Variants in EVA1A observed in about 807,000 individuals in gnomAD.
EVA1A encodes eva-1 homolog A, regulator of programmed cell death, also known as protein eva-1 homolog A.
EVA1A carries 7 observed loss-of-function variants against 9.8 expected under a neutral mutation model. The ratio of observed to expected loss-of-function variants is 0.71; its 90% CI spans 0.41 to 1.34. The LOEUF is 1.34. Ranked by LOEUF, EVA1A falls within the 40% of genes most tolerant of loss-of-function variation. The probability of loss-of-function intolerance (pLI) is 0.01; values close to 1 mark genes in which losing one functional copy is unlikely to be tolerated. For missense variants in EVA1A, 206 were observed against 205.9 expected (o/e 1.00, Z 0.00); for synonymous variants, 90 against 85.6 (o/e 1.05, Z -0.28).
chr2:75,498,895 C>A (rs1674310090), intron 3 of EVA1A, among the ~76,000 whole-genome samples: 1 of 151,914 alleles, frequency 6.6e-6, no homozygotes, highest in Non-Finnish European at 1.5e-5. Context: ...ACATCAAAGG[C>A]CTCACCTTTA....
intron 3 of EVA1A, among the ~76,000 whole-genome samples, chr2:75,497,974 G>T (rs928322475): frequency 6.6e-6 from 1 of 152,004 alleles, no homozygotes; most frequent in African/African-American, 2.4e-5. Flanking sequence ...CCACTACTGG[G>T]TGTATATCTA....
At chr2:75,513,859 T>C (rs1674910026) in intron 3 of EVA1A, among the ~76,000 whole-genome samples, 1 of 152,180 alleles carries the variant, frequency 6.6e-6, no homozygotes, top group African/African-American at 2.4e-5. Flanking sequence ...TCCAGACTTC[T>C]TACTATGTGG....
chr2:75,562,909 T>G (rs1676954070), upstream of EVA1A, among the ~76,000 whole-genome samples: 1 of 152,174 alleles, frequency 6.6e-6, no homozygotes, highest in Admixed American at 6.5e-5. Flanking sequence ...AGTAAAGAAA[T>G]AAATAGATAG....
chr2:75,555,457 G>C (rs758142242), intron 1 of EVA1A, among the ~76,000 whole-genome samples: 1 of 151,908 alleles, frequency 6.6e-6, no homozygotes, highest in Non-Finnish European at 1.5e-5. Context: ...CTAGACTCTG[G>C]AGGGGCCACT....
intron 3 of EVA1A, among the ~76,000 whole-genome samples, chr2:75,513,335 T>C (rs1674883787): frequency 6.6e-6 from 1 of 152,212 alleles, no homozygotes; most frequent in Admixed American, 6.6e-5. Flanking sequence ...TTTTTAACTG[T>C]CATCCTCATG....
At chr2:75,560,224 G>T (rs990093538) in intron 1 of EVA1A, among the ~76,000 whole-genome samples, 1 of 152,176 alleles carries the variant, frequency 6.6e-6, no homozygotes, top group Non-Finnish European at 1.5e-5. Context: ...CGGCGAGTTG[G>T]CTGCCTCCGA....
intron 3 of EVA1A, among the ~76,000 whole-genome samples, chr2:75,493,924 G>A (rs1296570084): frequency 1.3e-5 from 2 of 152,198 alleles, no homozygotes; most frequent in Non-Finnish European, 2.9e-5. Flanking sequence ...GTGCTTAGGT[G>A]TCATTTGTTT....
chr2:75,531,888 G>A (rs1463045087), intron 1 of EVA1A, among the ~76,000 whole-genome samples: 1 of 152,086 alleles, frequency 6.6e-6, no homozygotes, highest in Non-Finnish European at 1.5e-5. Context: ...GGCTGAGCGC[G>A]GTGGCTCACG....
chr2:75,561,656 C>A (rs1676926879), upstream of EVA1A, among the ~76,000 whole-genome samples: 1 of 151,978 alleles, frequency 6.6e-6, no homozygotes, highest in African/African-American at 2.4e-5. Context: ...GCGGTGGTCT[C>A]TTAAGAGATG....
chr2:75,541,192 T>G (rs1053352590), intron 1 of EVA1A, among the ~76,000 whole-genome samples: 2 of 152,134 alleles, frequency 1.3e-5, no homozygotes, highest in African/African-American at 4.8e-5. Context: ...TTTAAAACTG[T>G]CAACAATCGG....
intron 1 of EVA1A, among the ~76,000 whole-genome samples, chr2:75,528,570 A>G (rs1369569429): frequency 6.6e-6 from 1 of 152,140 alleles, no homozygotes; most frequent in Admixed American, 6.5e-5. Context: ...ACATAACTCC[A>G]TTGGCCTGAG....
chr2:75,524,919 TAGAC>T (rs71757476), intron 1 of EVA1A, among the ~76,000 whole-genome samples: 2,947 of 152,292 alleles, frequency 0.019, 109 homozygotes, highest in African/African-American at 0.068. Context: ...GATTGATAGA[TAGAC>T]AGGTAGGTAG....
chr2:75,518,225 A>T lies in EVA1A; in HGVS notation c.-68-17T>A, dbSNP rs1572960655. On this transcript the variant is annotated splice_polypyrimidine_tract_variant and intron_variant, in intron 2 of 3. Coordinates refer to ENST00000393913, the MANE Select transcript of EVA1A (RefSeq NM_001135032.2). ...TCTTCTCTTCTGTTTGGGAACATAAAGTGAGTGATAAGAAACATTCTGCTG... is the reference window on the plus strand; with the variant it reads ...TCTTCTCTTCTGTTTGGGAACATAATGTGAGTGATAAGAAACATTCTGCTG... 6.4e-7 allele frequency: 1 copy of T among 1,557,212 alleles called. No homozygotes were observed. The highest frequency in any genetic ancestry group is 2.3e-5 in the East Asian group (1 of 43,852).
chr2:75,560,627 T>C (rs528997840), intron 1 of EVA1A, 53 bp downstream of exon 1: 2 of 40,810 alleles, frequency 4.9e-5, no homozygotes, highest in East Asian at 7.5e-4. Context: ...CGGAGCCCGC[T>C]GGGGATGCCG....
chr2:75,545,536 G>T (rs889030023), intron 1 of EVA1A, among the ~76,000 whole-genome samples: 16 of 152,306 alleles, frequency 1.1e-4, no homozygotes, highest in Middle Eastern at 3.4e-3. Flanking sequence ...ATTAGGGCCA[G>T]CGTAACTGAG....
In EVA1A at chr2:75,493,420, A is replaced by G; in HGVS notation, c.275T>C (p.Val92Ala). 1 of 1,614,164 alleles carries G rather than the reference A, an allele frequency of 6.2e-7. No individual in the cohort carries two copies. The highest frequency in any genetic ancestry group is 1.1e-5 in the South Asian group (1 of 91,086). The change falls in exon 4 of 4, where the codon GTG (valine) becomes GCG (alanine). Residue 92 changes from valine to alanine, a missense_variant. Coordinates refer to ENST00000393913, the MANE Select transcript of EVA1A (RefSeq NM_001135032.2). Reference sequence around the variant, plus strand: ...GTGTCTCCGCACGGAGAGATCGGACACGGTGTCCTCACTGCCATCCTCGCT... The same window carrying G: ...GTGTCTCCGCACGGAGAGATCGGACGCGGTGTCCTCACTGCCATCCTCGCT... ...SDSEDGSEDT[V>A]SDLSVRRHRR...
intron 1 of EVA1A, among the ~76,000 whole-genome samples, chr2:75,525,379 C>T (rs1176342530): frequency 2.6e-5 from 4 of 152,144 alleles, no homozygotes; most frequent in Non-Finnish European, 5.9e-5. Flanking sequence ...CTTATATTTC[C>T]TCTTTCCATT....
At chr2:75,520,314 A>G (rs530295345) in intron 2 of EVA1A, among the ~76,000 whole-genome samples, 5 of 106,642 alleles carry the variant, frequency 4.7e-5, no homozygotes, top group East Asian at 4.5e-4. Context: ...CAAAATCTCA[A>G]TGATGTTTTT....
Position 75,522,496 on chromosome 2 carries a change from A to G in EVA1A, c.-191-9T>C, listed in dbSNP as rs1675267179. The G allele has an allele frequency of 6.6e-6, 1 of 152,324 alleles. No individual in the cohort carries two copies. The highest frequency in any genetic ancestry group is 1.5e-5 in the Non-Finnish European group (1 of 68,116). 9.4% of individuals were successfully genotyped at this position (152,324 alleles called of 1,614,324 possible). ...AGTTGGCTTCTCAGACTCTGAAAGA[A>G]AAAAGAAGCAGCACAAAAACCATCA... is the stretch of plus-strand genomic sequence containing the variant. On this transcript the variant is annotated splice_polypyrimidine_tract_variant and intron_variant, in intron 1 of 3. Coordinates refer to ENST00000393913, the MANE Select transcript of EVA1A (RefSeq NM_001135032.2).
Sources: gnomAD v4.1 joint callset for allele counts (sites outside exome capture counted in the v4.1 genomes callset) on GRCh38, gnomAD v4.1.1 for gene constraint, MANE v1.5 for transcripts, NCBI Gene and HGNC (gene_info 2026-07-23, HGNC 2026-07-21) for gene names.